Variants in CBX2 observed in about 807,000 individuals in gnomAD.
The protein encoded by CBX2 is chromobox protein homolog 2.
In CBX2, 11 loss-of-function variants were observed where a neutral mutation model predicts 21.0. The observed-to-expected ratio is 0.52, with a 90% CI of 0.33 to 0.87. CBX2 has a LOEUF of 0.87. Ranked by LOEUF, CBX2 falls within the 40% of genes least tolerant of loss-of-function variation. The pLI is 0.02. For synonymous variants in CBX2, 364 were observed against 304.6 expected, an observed-to-expected ratio of 1.19 and a Z score of -2.03; for missense variants, 746 against 724.3, an observed-to-expected ratio of 1.03 and a Z score of -0.34.
In CBX2 at chr17:79,778,454, C is replaced by G. The variant is rs1906904433; in HGVS notation, c.116+27C>G. On this transcript the variant is annotated intron_variant, in intron 2 of 4. Coordinates refer to ENST00000310942, the MANE Select transcript of CBX2 (RefSeq NM_005189.3). This position sits in a 1 kb window ranked among gnomAD's most constrained non-coding sequence, Gnocchi z 4.8. Reference sequence around the variant, plus strand: ...TGAGTCCCCCGCGACGCCGCGCCCCCCTCCCGCCCCCTCGCCCGGGGGTGG... The same window carrying G: ...TGAGTCCCCCGCGACGCCGCGCCCCGCTCCCGCCCCCTCGCCCGGGGGTGG... 6.9e-7 allele frequency: 1 copy of G among 1,449,472 alleles called. No homozygotes were observed. The allele number at this position is 1,449,472 out of a possible 1,614,324, so 89.8% of individuals were successfully genotyped here. A position where few individuals can be genotyped will look rare whatever the true frequency, so the allele number is the denominator to read the frequency against.
chr17:79,783,156 T>C (rs1266404757), intron 4 of CBX2, among the ~76,000 whole-genome samples: 3 of 152,214 alleles, frequency 2.0e-5, no homozygotes, highest in Non-Finnish European at 4.4e-5. Context: ...TGGACGGGGA[T>C]GTCATGGTGT....
chr17:79,782,112 T>G, intron 4 of CBX2: 3 of 1,613,182 alleles, frequency 1.9e-6, no homozygotes, highest in Non-Finnish European at 2.5e-6. Context: ...AGGGGGTCCT[T>G]GGGGGACGGA....
upstream of CBX2, chr17:79,778,008 C>T (rs1598218720): frequency 6.9e-6 from 1 of 145,424 alleles, no homozygotes; most frequent in African/African-American, 2.5e-5. This position sits in a 1 kb window ranked among gnomAD's most constrained non-coding sequence, Gnocchi z 4.8. Context: ...AATGCGCGCC[C>T]CGCCCCGCCC....
rs782484679 is a variant in CBX2, at chr17:79,784,053, C to T, written c.610C>T (p.Leu204Phe). Residue 204 changes from leucine to phenylalanine, a missense_variant, in exon 5 of 5, where the codon CTC (leucine) becomes TTC (phenylalanine). By Grantham distance (22) the Leu-to-Phe change is conservative (BLOSUM62 0). Coordinates refer to ENST00000310942, the MANE Select transcript of CBX2 (RefSeq NM_005189.3). The surrounding 1 kb of genome is among the most constrained non-coding windows in gnomAD (Gnocchi z 5.9). ...GAPASKLPPPLSAPVAGLAAL... is the reference protein window; with the variant it reads ...GAPASKLPPPFSAPVAGLAAL... ...CCCGGCCAGCAAGCTGCCCCCTCCA[C>T]TCAGCGCCCCCGTTGCAGGCCTGGC... The T allele has an allele frequency of 2.5e-6, 4 of 1,612,714 alleles. No individual in the cohort carries two copies. The highest frequency in any genetic ancestry group is 3.4e-6 in the Non-Finnish European group (4 of 1,179,862).
chr17:79,782,093 TTCCC>T (rs782049105), intron 4 of CBX2: 2 of 1,613,574 alleles, frequency 1.2e-6, no homozygotes, highest in Non-Finnish European at 1.7e-6. Context: ...ACAAGCACTC[TTCCC>T]TCCCAGGGGG....
At position 79,784,219 on chromosome 17, in the gene CBX2, A is replaced by G. The variant is rs1907451859; in HGVS notation, c.776A>G (p.Tyr259Cys). The G allele has an allele frequency of 6.2e-7, 1 of 1,612,834 alleles. No individual in the cohort carries two copies. The highest frequency in any genetic ancestry group is 8.5e-7 in the Non-Finnish European group (1 of 1,179,966). ...AGCTGGCAGAGCTCCATCGTGCACT[A>G]CATGAACCGGATGACCCAGAGCCAG... ...GISWQSSIVH[Y>C]MNRMTQSQAQ... Residue 259 changes from tyrosine to cysteine, a missense_variant, in exon 5 of 5, where the codon TAC becomes TGC. Around this residue, in one of 2 missense-constraint regions of CBX2, gnomAD observed 701 missense variants for 650.7 expected, o/e 1.08. Coordinates refer to ENST00000310942, the MANE Select transcript of CBX2 (RefSeq NM_005189.3). The surrounding 1 kb of genome is among the most constrained non-coding windows in gnomAD (Gnocchi z 5.9).
In CBX2 at chr17:79,781,763, A is replaced by G. The variant is rs782730475; in HGVS notation, c.250A>G (p.Thr84Ala). ...GCCGAGAGGCCGGCCAAGGAAGCTC[A>G]CTGCCATGTCCTCCTGCAGCCGGCG... Reference protein sequence around the residue: ...KRPRGRPRKLTAMSSCSRRSK... With the variant: ...KRPRGRPRKLAAMSSCSRRSK... The change falls in exon 4 of 5, where the codon ACT becomes GCT. Residue 84 changes from threonine (T) to alanine (A), a missense_variant. By Grantham distance (58) the Thr-to-Ala change is moderately conservative (BLOSUM62 0). Around this residue, in one of 2 missense-constraint regions of CBX2, gnomAD observed 701 missense variants for 650.7 expected, o/e 1.08. Coordinates refer to ENST00000310942, the MANE Select transcript of CBX2 (RefSeq NM_005189.3). The G allele has an allele frequency of 8.7e-6, 14 of 1,613,314 alleles. No homozygotes were observed. The East Asian group carries it at 2.0e-4, about 23-fold the overall frequency.
In CBX2 at chr17:79,787,950, TAAAAA is replaced by T. The variant is rs575656805; in HGVS notation, c.*2914_*2918del. The T allele has an allele frequency of 6.7e-6, 1 of 150,158 alleles. No individual in the cohort carries two copies. 9.3% of individuals were successfully genotyped at this position (150,158 alleles called of 1,614,324 possible). ...ACTGGCTTGATTTGTGTTTTTTAATTAAAAAAAAAATCATTCATGTATGCCACTTC... is the reference window on the plus strand; with the variant it reads ...ACTGGCTTGATTTGTGTTTTTTAATTAAAAATCATTCATGTATGCCACTTC... On this transcript the variant is annotated 3_prime_UTR_variant, in exon 5 of 5. Transcript: ENST00000310942.
intron 3 of CBX2, among the ~76,000 whole-genome samples, chr17:79,780,306 C>T (rs914418443): frequency 2.0e-5 from 3 of 152,228 alleles, no homozygotes; most frequent in African/African-American, 7.2e-5. Context: ...AGGTGCATTC[C>T]CTTTTTTCCA....
At position 79,784,355 on chromosome 17, in the gene CBX2, A is replaced by C. The variant is rs61745008; in HGVS notation, c.912A>C (p.Pro304=). The change falls in exon 5 of 5, where the codon CCA becomes CCC. Residue 304 remains proline, a synonymous_variant. Transcript: ENST00000310942. This position sits in a 1 kb window ranked among gnomAD's most constrained non-coding sequence, Gnocchi z 5.9. ...AAGGGGAGCTGGGAATGAGCCCTCC[A>C]GGAAGCAAAATCCCGAAGGCCCCCA... is the stretch of plus-strand genomic sequence containing the variant. ...TQKGELGMSP[P]GSKIPKAPSG... is the part of the protein sequence containing the mutation. The C allele has an allele frequency of 7.7e-4, 1,243 of 1,613,160 alleles. 12 individuals carry two copies. The African/African-American group carries it at 0.015, about 20-fold the overall frequency.
At chr17:79,782,141 G>T (rs373038811) in intron 4 of CBX2, 1 of 1,612,888 alleles carries the variant, frequency 6.2e-7, no homozygotes, top group Admixed American at 1.7e-5. Flanking sequence ...GGAAGCATGC[G>T]TACAGTAGGT....
At chr17:79,779,570 C>T in intron 3 of CBX2, 143 bp downstream of exon 3, 1 of 727,654 alleles carries the variant, frequency 1.4e-6, no homozygotes, top group South Asian at 1.6e-5. Context: ...CCAGGGCCAT[C>T]TCTGTGGCTG....
At chr17:79,780,825 T>C (rs1180857877) in intron 3 of CBX2, among the ~76,000 whole-genome samples, 2 of 152,166 alleles carry the variant, frequency 1.3e-5, no homozygotes, top group Non-Finnish European at 2.9e-5. Context: ...AGGAGATCCA[T>C]GCAACACTTC....
intron 3 of CBX2, among the ~76,000 whole-genome samples, chr17:79,781,434 T>C (rs772057517): frequency 6.6e-6 from 1 of 152,172 alleles, no homozygotes; most frequent in Non-Finnish European, 1.5e-5. Context: ...AGTCAGAGAA[T>C]ACTGGGGCGT....
At position 79,787,014 on chromosome 17, in the gene CBX2, A is replaced by C. The variant is rs1264106687; in HGVS notation, c.*1972A>C. ...CACCTCGGCGAATTGAAGGGCTAAGAGTCCCAGATAGCTAGGCCAGAGCTG... is the reference window on the plus strand; with the variant it reads ...CACCTCGGCGAATTGAAGGGCTAAGCGTCCCAGATAGCTAGGCCAGAGCTG... On this transcript the variant is annotated 3_prime_UTR_variant, in exon 5 of 5. Coordinates refer to ENST00000310942, the MANE Select transcript of CBX2 (RefSeq NM_005189.3). 1 of 152,630 alleles carries C rather than the reference A, an allele frequency of 6.6e-6. No individual in the cohort carries two copies. Among genetic ancestry groups the C allele is most frequent in the African/African-American group, 2.4e-5 (1 of 41,470 alleles). 9.5% of individuals were successfully genotyped at this position (152,630 alleles called of 1,614,324 possible).
intron 4 of CBX2, chr17:79,782,383 C>A: frequency 7.1e-7 from 1 of 1,403,624 alleles, no homozygotes; most frequent in Non-Finnish European, 9.3e-7. Flanking sequence ...GTGATGGGCT[C>A]ACCCCGCCAC....
chr17:79,782,585 C>T, intron 4 of CBX2: 3 of 816,402 alleles, frequency 3.7e-6, no homozygotes, highest in Non-Finnish European at 4.6e-6. Flanking sequence ...CCTGCCTTTC[C>T]AGGAGGATTT....
At position 79,786,068 on chromosome 17, in the gene CBX2, T is replaced by G. The variant is rs1450581620; in HGVS notation, c.*1026T>G. On this transcript the variant is annotated 3_prime_UTR_variant, in exon 5 of 5. Coordinates refer to ENST00000310942, the MANE Select transcript of CBX2 (RefSeq NM_005189.3). Reference sequence around the variant, plus strand: ...GCAGGACCCTTGGCAGGCAAGCCCCTCCCTTCACTCCCAGGACCTACCTTC... The same window carrying G: ...GCAGGACCCTTGGCAGGCAAGCCCCGCCCTTCACTCCCAGGACCTACCTTC... 5.9e-5 allele frequency: 9 copies of G among 152,376 alleles called. No individual in the cohort carries two copies. Among genetic ancestry groups the G allele is most frequent in the Non-Finnish European group, 1.5e-5 (1 of 68,148 alleles). 9.4% of individuals were successfully genotyped at this position (152,376 alleles called of 1,614,324 possible).
chr17:79,779,079 G>GT (rs1170185442), intron 2 of CBX2, among the ~76,000 whole-genome samples: 2 of 152,324 alleles, frequency 1.3e-5, no homozygotes, highest in Admixed American at 1.3e-4. Context: ...ATGGGGGTTT[G>GT]TTTTTCTCCC....
Sources: gnomAD v4.1 joint callset for allele counts (sites outside exome capture counted in the v4.1 genomes callset) on GRCh38, gnomAD v4.1.1 for gene constraint, gnomAD v4.1.1 regional missense constraint, Gnocchi (gnomAD v3.1) non-coding constraint, MANE v1.5 for transcripts, NCBI Gene and HGNC (gene_info 2026-07-23, HGNC 2026-07-21) for gene names.